ENSA: variants seen among roughly 807,000 people sequenced by gnomAD.
ENSA encodes the protein alpha-endosulfine.
Under a neutral mutation model 16.8 loss-of-function variants are expected in ENSA, and 7 were observed. The ratio of observed to expected loss-of-function variants is 0.42; its 90% CI spans 0.24 to 0.78. ENSA has a LOEUF of 0.78. Among genes scored for constraint, ENSA ranks in the 30% least tolerant of loss-of-function variants. The pLI, the probability that ENSA is intolerant of heterozygous loss-of-function variation, is 0.29. For missense variants in ENSA, 87 were observed against 142.3 expected (o/e 0.61, Z 1.98); for synonymous variants, 58 against 53.4 (o/e 1.09, Z -0.37).
At chr1:150,623,511 C>A in intron 3 of ENSA, 3 of 985,744 alleles carry the variant, frequency 3.0e-6, no homozygotes, top group African/African-American at 1.7e-5. Context: ...AAAAATCAGA[C>A]TCATTGTGAC....
intron 1 of ENSA, 67 bp from the exon 2 acceptor site, chr1:150,627,659 C>T: frequency 6.6e-7 from 1 of 1,503,914 alleles, no homozygotes; most frequent in Non-Finnish European, 9.0e-7. Flanking sequence ...CATCTGATAA[C>T]AACTATACTA....
chr1:150,622,512 G>A lies in ENSA; in HGVS notation c.*332C>T. On this transcript the variant is annotated 3_prime_UTR_variant, in exon 4 of 4. Transcript: ENST00000369014. ...GTGGTTAAGAAGGATAGTCAGGAAT[G>A]TTTTTACCAACTCCAAGCCCTAATT... 2.9e-6 allele frequency: 1 copy of A among 341,226 alleles called. No individual in the cohort carries two copies. Among genetic ancestry groups the A allele is most frequent in the Non-Finnish European group, 5.3e-6 (1 of 189,454 alleles). The allele number at this position is 341,226 out of a possible 1,614,324, so 21.1% of individuals were successfully genotyped here.
chr1:150,621,704 TGCTG>T (rs2101731221), downstream of ENSA: 1 of 152,374 alleles, frequency 6.6e-6, no homozygotes, highest in East Asian at 1.9e-4. Flanking sequence ...CTCTGCCTCC[TGCTG>T]GCCACCAGCA....
rs11550418 is a variant in ENSA, at chr1:150,622,835, C to T, written c.*9G>A. ...AGCGTCTCAGGATCTGGCAGAGCCC[C>T]GGGCAGCATCATTCAACTTGGCCAC... On this transcript the variant is annotated 3_prime_UTR_variant, in exon 4 of 4. Transcript: ENST00000369014. 3.9e-6 allele frequency: 6 copies of T among 1,532,010 alleles called. No individual in the cohort carries two copies. Among genetic ancestry groups the T allele is most frequent in the Admixed American group, 3.9e-5 (2 of 50,800 alleles). 94.9% of individuals were successfully genotyped at this position (1,532,010 alleles called of 1,614,324 possible).
chr1:150,629,211 A>C, intron 1 of ENSA: 1 of 1,587,810 alleles, frequency 6.3e-7, no homozygotes, highest in Non-Finnish European at 8.6e-7. Context: ...GCCAATCAGG[A>C]AGAGTACAGT....
At position 150,627,483 on chromosome 1, in the gene ENSA, T is replaced by C; in HGVS notation, c.167A>G (p.Lys56Arg). 6.2e-7 allele frequency: 1 copy of C among 1,614,260 alleles called. No homozygotes were observed. The highest frequency in any genetic ancestry group is 8.5e-7 in the Non-Finnish European group (1 of 1,180,046). ...QKPGGSDFLMKRLQKGQKYFD... is the reference protein window; with the variant it reads ...QKPGGSDFLMRRLQKGQKYFD... ...GCCCCATACCCCTTTCTGGAGTCTCTTCATGAGGAAGTCGGAGCCTCCAGG... is the reference window on the plus strand; with the variant it reads ...GCCCCATACCCCTTTCTGGAGTCTCCTCATGAGGAAGTCGGAGCCTCCAGG... Residue 56 changes from lysine to arginine, a missense_variant, in exon 2 of 4, where the codon AAG becomes AGG. Lys to Arg is a conservative substitution (Grantham distance 26). Coordinates refer to ENST00000369014, the MANE Select transcript of ENSA (RefSeq NM_004436.4).
At chr1:150,629,378 TC>T in intron 1 of ENSA, 35 bp downstream of exon 1, 1 of 1,604,684 alleles carries the variant, frequency 6.2e-7, no homozygotes, top group Non-Finnish European at 8.5e-7. Flanking sequence ...CATCACGGTC[TC>T]CCCAGCTCGC....
Position 150,629,549 on chromosome 1 carries a change from C to G in ENSA, c.-79G>C. ...GAAGGGGGAGGGGAAACGGGGACAA[C>G]CTGCGCTGCTGCTTCGGCTCCTGTC... On this transcript the variant is annotated 5_prime_UTR_variant, in exon 1 of 4. Transcript: ENST00000369014. The G allele has an allele frequency of 6.5e-7, 1 of 1,546,508 alleles. No homozygotes were observed. The highest frequency in any genetic ancestry group is 8.8e-7 in the Non-Finnish European group (1 of 1,138,528).
chr1:150,627,328 C>G (rs1649405743), intron 2 of ENSA, 139 bp downstream of exon 2: 5 of 1,602,988 alleles, frequency 3.1e-6, no homozygotes, highest in Non-Finnish European at 4.3e-6. Flanking sequence ...TTGACTTGCT[C>G]TTTTCAAATT....
intron 1 of ENSA, chr1:150,629,147 C>G: frequency 6.2e-7 from 1 of 1,614,100 alleles, no homozygotes. Flanking sequence ...CGCCCCACGT[C>G]CATGCTCGGC....
chr1:150,622,004 T>C (rs587659003), downstream of ENSA: 1 of 152,238 alleles, frequency 6.6e-6, no homozygotes, highest in African/African-American at 2.4e-5. Flanking sequence ...CCAACATTCC[T>C]GCTCCCTTTC....
At chr1:150,628,704 G>A (rs1649523881) in intron 1 of ENSA, among the ~76,000 whole-genome samples, 2 of 152,142 alleles carry the variant, frequency 1.3e-5, no homozygotes, top group Non-Finnish European at 2.9e-5. Context: ...TTTATTTGGC[G>A]TTAGTGTTTC....
chr1:150,627,951 G>GAGT (rs1477614578), intron 1 of ENSA, among the ~76,000 whole-genome samples: 1 of 152,124 alleles, frequency 6.6e-6, no homozygotes, highest in Non-Finnish European at 1.5e-5. Context: ...GATAGAGGAT[G>GAGT]AGTAGCAGGG....
At chr1:150,629,309 C>A in intron 1 of ENSA, 105 bp downstream of exon 1, 3 of 1,541,516 alleles carry the variant, frequency 1.9e-6, no homozygotes, top group Middle Eastern at 1.7e-4. Context: ...GTGGCCAACC[C>A]CTGCGGAGCC....
chr1:150,629,533 G>A lies in ENSA; in HGVS notation c.-63C>T. On this transcript the variant is annotated 5_prime_UTR_variant, in exon 1 of 4. Coordinates refer to ENST00000369014, the MANE Select transcript of ENSA (RefSeq NM_004436.4). ...AGGCAACCGGAGAAGGGAAGGGGGA[G>A]GGGAAACGGGGACAACCTGCGCTGC... is the stretch of plus-strand genomic sequence containing the variant. 4 of 1,576,956 alleles carry A rather than the reference G, an allele frequency of 2.5e-6. No homozygotes were observed. The highest frequency in any genetic ancestry group is 2.2e-4 in the Middle Eastern group (1 of 4,512).
chr1:150,623,316 A>C (rs193172084), intron 3 of ENSA: 1 of 988,588 alleles, frequency 1.0e-6, no homozygotes, highest in East Asian at 1.1e-4. Flanking sequence ...GGTTTAATCA[A>C]AGCAATTTGC....
intron 1 of ENSA, chr1:150,629,086 C>G: frequency 1.2e-6 from 2 of 1,614,180 alleles, no homozygotes; most frequent in Non-Finnish European, 1.7e-6. Context: ...ACACACATCA[C>G]ACCCAAGACC....
intron 3 of ENSA, chr1:150,624,097 T>A: frequency 5.1e-6 from 5 of 985,420 alleles, no homozygotes; most frequent in Non-Finnish European, 6.0e-6. Flanking sequence ...AACTAGCAAG[T>A]TGCGTTCAAT....
At chr1:150,622,979 G>A (rs1649063871) in intron 3 of ENSA, 120 bp from the exon 4 acceptor site, 1 of 1,304,372 alleles carries the variant, frequency 7.7e-7, no homozygotes, top group South Asian at 1.5e-5. Flanking sequence ...CAACCATTAG[G>A]CTACCTGGCA....
Sources: allele counts gnomAD v4.1 joint callset (sites outside exome capture counted in the v4.1 genomes callset), GRCh38; gene constraint gnomAD v4.1.1; transcripts MANE v1.5; gene names NCBI Gene and HGNC (gene_info 2026-07-23, HGNC 2026-07-21).